Variants in CNTNAP3 observed in about 807,000 individuals in gnomAD.
The protein encoded by CNTNAP3 is contactin associated protein family member 3.
In CNTNAP3, 36 loss-of-function variants were observed where a neutral mutation model predicts 92.1. The observed-to-expected ratio is 0.39, with a 90% CI of 0.30 to 0.52. The LOEUF is 0.52. Ranked by LOEUF, CNTNAP3 falls within the 20% of genes least tolerant of loss-of-function variation. CNTNAP3 has a pLI of 0.76. For missense variants in CNTNAP3, 534 were observed against 1,069.6 expected, an observed-to-expected ratio of 0.50 and a Z score of 6.98; for synonymous variants, 232 against 422.3, an observed-to-expected ratio of 0.55 and a Z score of 5.53.
intron 14 of CNTNAP3, among the ~76,000 whole-genome samples, chr9:39,113,326 T>C (rs568107252): frequency 6.6e-6 from 1 of 152,342 alleles, no homozygotes; most frequent in Admixed American, 6.5e-5. Flanking sequence ...TTTGTAATTT[T>C]GTAATTTTTT....
intron 12 of CNTNAP3, among the ~76,000 whole-genome samples, chr9:39,135,436 G>A (rs1323228090): frequency 6.6e-6 from 1 of 151,970 alleles, no homozygotes; most frequent in Non-Finnish European, 1.5e-5. Context: ...GATCAGAGGT[G>A]TGGCTGAGTC....
chr9:39,133,061 G>A lies in CNTNAP3; in HGVS notation c.1951C>T (p.Pro651Ser), dbSNP rs1346340448. Reference protein sequence around the residue: ...VTLRGAPSGHPRSAVSFAYAA... With the variant: ...VTLRGAPSGHSRSAVSFAYAA... ...TACGCGAAGGACACAGCCGAGCGCG[G>A]GTGCCCGCTGGGGGCACCTCGGAGG... Residue 651 changes from proline (P) to serine (S), a missense_variant, in exon 13 of 24, where the codon CCG (proline) becomes TCG (serine). Transcript: ENST00000297668. 6.4e-7 allele frequency: 1 copy of A among 1,557,256 alleles called. No individual in the cohort carries two copies.
At chr9:39,078,541 G>C in intron 22 of CNTNAP3, 85 bp from the exon 23 acceptor site, 1 of 1,583,470 alleles carries the variant, frequency 6.3e-7, no homozygotes, top group South Asian at 1.1e-5. Context: ...TCAATTAAAA[G>C]TGAATTAAAA....
chr9:39,072,811 C>A lies in CNTNAP3; in HGVS notation c.*1079G>T, dbSNP rs1209341470. Reference sequence around the variant, plus strand: ...TAATAAATTGAAAAGATGTTCTGTACAACATAATAGAGTCATAGGAAATCA... The same window carrying A: ...TAATAAATTGAAAAGATGTTCTGTAAAACATAATAGAGTCATAGGAAATCA... On this transcript the variant is annotated 3_prime_UTR_variant, in exon 24 of 24. Coordinates refer to ENST00000297668, the MANE Select transcript of CNTNAP3 (RefSeq NM_033655.5). 1 of 152,414 alleles carries A rather than the reference C, an allele frequency of 6.6e-6. No individual in the cohort carries two copies. Among genetic ancestry groups the A allele is most frequent in the African/African-American group, 2.4e-5 (1 of 41,428 alleles). 9.4% of individuals were successfully genotyped at this position (152,414 alleles called of 1,614,324 possible).
chr9:39,085,711 G>C, intron 21 of CNTNAP3, 25 bp downstream of exon 21: 2 of 1,475,798 alleles, frequency 1.4e-6, no homozygotes, highest in Non-Finnish European at 1.8e-6. Flanking sequence ...CACTTATTTG[G>C]GAAAAAGCTC....
At chr9:39,110,793 A>G (rs898228372) in intron 14 of CNTNAP3, among the ~76,000 whole-genome samples, 10 of 152,196 alleles carry the variant, frequency 6.6e-5, no homozygotes, top group South Asian at 2.1e-4. Flanking sequence ...CAAAATGCTT[A>G]TATTTATATA....
At chr9:39,138,570 T>C (rs1693078) in intron 12 of CNTNAP3, among the ~76,000 whole-genome samples, 16,265 of 132,732 alleles carry the variant, frequency 0.12, 1,032 homozygotes, top group African/African-American at 0.21. Flanking sequence ...TACTTCAAGA[T>C]GGTTCCTTTT....
In CNTNAP3 at chr9:39,084,195, T is replaced by TTTTTTG. The variant is rs1263386213; in HGVS notation, c.3442+1540_3442+1541insCAAAAA. On this transcript the variant is annotated intron_variant, in intron 21 of 23. Transcript: ENST00000297668. ...CTGTTCATAGCAGATGCTCACCAAG[T>TTTTTTG]TTTTTTTTTTTTTTTTTTTTTGAGA... Among the ~76,000 whole-genome samples the TTTTTTG allele has an allele frequency of 1.5e-3, 146 of 95,632 alleles. 1 individual carries two copies. Among genetic ancestry groups the TTTTTTG allele is most frequent in the African/African-American group, 5.1e-3 (126 of 24,680 alleles). The allele number at this position is 95,632 out of a possible 152,430, so 62.7% of individuals were successfully genotyped here. A position where few individuals can be genotyped will look rare whatever the true frequency, so the allele number is the denominator to read the frequency against.
chr9:39,108,397 T>C (rs1826659311), intron 15 of CNTNAP3, among the ~76,000 whole-genome samples: 1 of 152,180 alleles, frequency 6.6e-6, no homozygotes, highest in Non-Finnish European at 1.5e-5. Context: ...CGCCACGCCA[T>C]CTGGCACACT....
chr9:39,144,289 G>T lies in CNTNAP3; in HGVS notation c.1707C>A (p.Phe569Leu). 4 of 1,579,664 alleles carry T rather than the reference G, an allele frequency of 2.5e-6. No individual in the cohort carries two copies. The highest frequency in any genetic ancestry group is 3.4e-6 in the Non-Finnish European group (4 of 1,162,866). The change falls in exon 11 of 24, where the codon TTC (phenylalanine) becomes TTA (leucine). Residue 569 changes from phenylalanine to leucine, a missense_variant. Phe to Leu is a conservative substitution (Grantham distance 22). Transcript: ENST00000297668. Reference sequence around the variant, plus strand: ...AGCCTGTGCCTAGACAGTCACAGGAGAAGGTGTCCCACGACTGGGAACACT... The same window carrying T: ...AGCCTGTGCCTAGACAGTCACAGGATAAGGTGTCCCACGACTGGGAACACT... The part of the protein sequence containing the change: ...GGECSQSWDT[F>L]SCDCLGTGYT...
chr9:39,097,850 A>T (rs1826360967), intron 18 of CNTNAP3, among the ~76,000 whole-genome samples: 1 of 149,366 alleles, frequency 6.7e-6, no homozygotes, highest in Admixed American at 6.6e-5. Flanking sequence ...TCCTTAGGAC[A>T]TCTTCTAAAG....
intron 12 of CNTNAP3, among the ~76,000 whole-genome samples, chr9:39,140,271 A>G (rs1821542828): frequency 6.6e-6 from 1 of 152,188 alleles, no homozygotes; most frequent in Non-Finnish European, 1.5e-5. Context: ...GCACATGAAC[A>G]GATGTATTAC....
intron 21 of CNTNAP3, among the ~76,000 whole-genome samples, chr9:39,081,864 G>A (rs1282165244): frequency 6.9e-4 from 103 of 149,736 alleles, no homozygotes; most frequent in Admixed American, 1.5e-3. Context: ...GGATGATGAG[G>A]TCAGGAGATC....
In CNTNAP3 at chr9:39,102,713, G is replaced by A; in HGVS notation, c.2539C>T (p.Pro847Ser). ...TCGAAGGAAAAGGTCACTTCTGTGGGAGCTAGAAATATTAGATATGAATAT... is the reference window on the plus strand; with the variant it reads ...TCGAAGGAAAAGGTCACTTCTGTGGAAGCTAGAAATATTAGATATGAATAT... The part of the protein sequence containing the change: ...TDFIRIELRA[P>S]TEVTFSFDVG... The change falls in exon 17 of 24, where the codon CCC becomes TCC. Residue 847 changes from proline (P) to serine (S), a missense_variant and splice_region_variant. Physicochemically the swap from Pro to Ser is moderately conservative, Grantham distance 74. Transcript: ENST00000297668. 2 of 1,227,262 alleles carry A rather than the reference G, an allele frequency of 1.6e-6. No individual in the cohort carries two copies. The highest frequency in any genetic ancestry group is 2.3e-6 in the Non-Finnish European group (2 of 861,010). The allele number at this position is 1,227,262 out of a possible 1,614,324, so 76.0% of individuals were successfully genotyped here.
At chr9:39,125,715 G>C (rs1821138865) in intron 13 of CNTNAP3, among the ~76,000 whole-genome samples, 1 of 152,046 alleles carries the variant, frequency 6.6e-6, no homozygotes, top group Non-Finnish European at 1.5e-5. Context: ...TGCAGAGCAA[G>C]GAAAATTATC....
At chr9:39,178,060 A>AT (rs1822370281) in intron 5 of CNTNAP3, 97 bp downstream of exon 5, 1 of 291,426 alleles carries the variant, frequency 3.4e-6, no homozygotes, top group African/African-American at 4.4e-5. Context: ...ATGATGAATT[A>AT]TATGGTCATT....
At position 39,068,053 on chromosome 9, in the gene CNTNAP3, G is replaced by A. The variant is rs1825549785; in HGVS notation, c.*5837C>T. On this transcript the variant is annotated 3_prime_UTR_variant, in exon 24 of 24. Coordinates refer to ENST00000297668, the MANE Select transcript of CNTNAP3 (RefSeq NM_033655.5). Reference sequence around the variant, plus strand: ...AAGAGAAGAAAAATATTCTTTTTGTGTAAAGCCCAGATATACGTATAGTAC... The same window carrying A: ...AAGAGAAGAAAAATATTCTTTTTGTATAAAGCCCAGATATACGTATAGTAC... 6.6e-6 allele frequency among the ~76,000 whole-genome samples: 1 copy of A among 152,310 alleles called. No individual in the cohort carries two copies. Among genetic ancestry groups the A allele is most frequent in the African/African-American group, 2.4e-5 (1 of 41,488 alleles).
rs370554854 is a variant in CNTNAP3, at chr9:39,100,108, C to T, written c.2798G>A (p.Arg933Gln). 1.5e-5 allele frequency: 23 copies of T among 1,585,934 alleles called. No individual in the cohort carries two copies. Among genetic ancestry groups the T allele is most frequent in the African/African-American group, 2.7e-5 (2 of 74,260 alleles). ...TRQRGFLGCI[R>Q]SLQLNGVALD... The stretch of plus-strand genomic sequence containing the variant: ...GGCCACCCCGTTCAACTGCAGAGAC[C>T]GAATGCATCCTAGAAAGCCTCTCTG... The change falls in exon 18 of 24, where the codon CGG becomes CAG. Residue 933 changes from arginine to glutamine, a missense_variant. Arg to Gln is a conservative substitution (Grantham distance 43). Transcript: ENST00000297668.
At chr9:39,128,858 CAAG>C (rs1287602029) in intron 13 of CNTNAP3, among the ~76,000 whole-genome samples, 1 of 149,836 alleles carries the variant, frequency 6.7e-6, no homozygotes, top group East Asian at 2.0e-4. Context: ...CATATTCTAA[CAAG>C]AAACATGTAA....
Sources: gnomAD v4.1 joint callset for allele counts (sites outside exome capture counted in the v4.1 genomes callset) on GRCh38, gnomAD v4.1.1 for gene constraint, MANE v1.5 for transcripts, NCBI Gene and HGNC (gene_info 2026-07-23, HGNC 2026-07-21) for gene names.